The following FOXP1 variants were observed in gnomAD, a reference collection of about 807,000 sequenced individuals.
The protein encoded by FOXP1 is forkhead box protein P1.
FOXP1 carries 15 observed loss-of-function variants against 98.2 expected under a neutral mutation model. The observed-to-expected ratio is 0.15, with a 90% CI of 0.10 to 0.24. The LOEUF (loss-of-function observed/expected upper bound fraction) is 0.24. FOXP1 is among the 10% of genes least tolerant of loss of function. The pLI is 1.00. For missense variants in FOXP1, 633 were observed against 848.5 expected (o/e 0.75, Z 3.15); for synonymous variants, 371 against 314.5 (o/e 1.18, Z -1.90).
In FOXP1 at chr3:71,089,042, GCT is replaced by G. The variant is rs574595786; in HGVS notation, c.282+23492_282+23493del. Among the ~76,000 whole-genome samples the G allele has an allele frequency of 8.5e-5, 13 of 152,246 alleles. No homozygotes were observed. The East Asian group carries it at 2.5e-3, about 29-fold the overall frequency. On this transcript the variant is annotated intron_variant, in intron 7 of 20. Transcript: ENST00000649528. ...ACTTTATAAACAATTACACTGACTT[GCT>G]CTTACTCTGATTCTAAATAGGGCTA...
chr3:71,115,981 C>T (rs2058347897), intron 6 of FOXP1, among the ~76,000 whole-genome samples: 1 of 152,144 alleles, frequency 6.6e-6, no homozygotes. Context: ...AGTGATCTGC[C>T]CGCCTCAGCT....
chr3:71,393,098 A>G (rs145797749), intron 3 of FOXP1, among the ~76,000 whole-genome samples: 2 of 152,290 alleles, frequency 1.3e-5, no homozygotes, highest in Middle Eastern at 3.4e-3. Context: ...GGTATAAGCA[A>G]TATTTTCTTA....
intron 10 of FOXP1, among the ~76,000 whole-genome samples, chr3:71,045,533 T>C (rs1218428999): frequency 1.3e-5 from 2 of 151,854 alleles, no homozygotes; most frequent in African/African-American, 4.9e-5. Context: ...CAAAAATGCA[T>C]TAACTGATGT....
chr3:71,336,086 A>C (rs1577029649), intron 4 of FOXP1, among the ~76,000 whole-genome samples: 2 of 150,238 alleles, frequency 1.3e-5, no homozygotes, highest in African/African-American at 5.0e-5. Context: ...GCAGGGAGCA[A>C]AGAAGCTATG....
chr3:71,376,598 G>A (rs141393422), intron 3 of FOXP1, among the ~76,000 whole-genome samples: 17 of 152,302 alleles, frequency 1.1e-4, no homozygotes, highest in African/African-American at 2.2e-4. Flanking sequence ...TCAAAATAGC[G>A]TAAGAAGCCA....
chr3:71,290,012 T>C (rs1435755629), intron 5 of FOXP1: 1 of 152,242 alleles, frequency 6.6e-6, no homozygotes, highest in Non-Finnish European at 1.5e-5. Flanking sequence ...ATCACTTACA[T>C]GCTTATAAAT....
chr3:71,267,987 T>G (rs1483715199), intron 5 of FOXP1, among the ~76,000 whole-genome samples: 1 of 135,720 alleles, frequency 7.4e-6, no homozygotes, highest in Non-Finnish European at 1.5e-5. Flanking sequence ...CACTGTACCC[T>G]AGCCTGGGCG....
At chr3:71,529,044 T>C (rs188850595) in intron 2 of FOXP1, among the ~76,000 whole-genome samples, 12 of 152,310 alleles carry the variant, frequency 7.9e-5, no homozygotes, top group Non-Finnish European at 1.8e-4. Context: ...AGGCTCACCT[T>C]AGAATTCAAT....
In FOXP1 at chr3:71,433,455, T is replaced by C. The variant is rs75707284; in HGVS notation, c.-168+59971A>G. 7.0e-3 allele frequency among the ~76,000 whole-genome samples: 1,063 copies of C among 152,242 alleles called. 17 individuals are homozygous for C. Among genetic ancestry groups the C allele is most frequent in the African/African-American group, 0.025 (1,018 of 41,528 alleles). On this transcript the variant is annotated intron_variant, in intron 3 of 20. Transcript: ENST00000649528. ...GGAAACAACTTTACGGGTTCAACCATGAGAAATAAAAACATGCAAAGGCTT... is the reference window on the plus strand; with the variant it reads ...GGAAACAACTTTACGGGTTCAACCACGAGAAATAAAAACATGCAAAGGCTT...
In FOXP1 at chr3:71,053,440, T is replaced by C. The variant is rs2050181301; in HGVS notation, c.420+196A>G. ...CTCCAGGCCCAAACACTAGTCACCA[T>C]GGCAGGGCTCCTCTCTTTTGGGCAT... is the stretch of plus-strand genomic sequence containing the variant. On this transcript the variant is annotated intron_variant, in intron 8 of 20. Coordinates refer to ENST00000649528, the MANE Select transcript of FOXP1 (RefSeq NM_001349338.3). Among the ~76,000 whole-genome samples the C allele has an allele frequency of 3.3e-5, 5 of 152,276 alleles. No individual in the cohort carries two copies. The South Asian group carries it at 1.0e-3, about 32-fold the overall frequency.
At position 71,303,428 on chromosome 3, in the gene FOXP1, C is replaced by G. The variant is rs191082018; in HGVS notation, c.-72-3548G>C. On this transcript the variant is annotated intron_variant, in intron 4 of 20. Transcript: ENST00000649528. The stretch of plus-strand genomic sequence containing the variant: ...AGGAAACTGAGGAAGGAACATGGTT[C>G]AAACTTCCCATACCCCCAAATCCTC... Among the ~76,000 whole-genome samples, 487 of 152,228 alleles carry G rather than the reference C, an allele frequency of 3.2e-3. 2 individuals are homozygous for G. Among genetic ancestry groups the G allele is most frequent in the African/African-American group, 0.011 (456 of 41,530 alleles).
At chr3:71,289,079 C>G (rs1617010) in intron 5 of FOXP1, among the ~76,000 whole-genome samples, 141,394 of 151,954 alleles carry the variant, frequency 0.93, 65,851 homozygotes, top group African/African-American at 0.97. Flanking sequence ...CTGTAGCCCA[C>G]GCTGGAGTGC....
intron 11 of FOXP1, among the ~76,000 whole-genome samples, chr3:71,017,917 G>A (rs1378596817): frequency 6.6e-6 from 1 of 152,108 alleles, no homozygotes; most frequent in African/African-American, 2.4e-5. Context: ...TACATGCCGA[G>A]CACACTCTTA....
Position 71,414,214 on chromosome 3 carries a change from G to A in FOXP1, c.-167-54970C>T, listed in dbSNP as rs533660375. The stretch of plus-strand genomic sequence containing the variant: ...CAACCACCTCCCTGAGATTGTCTGC[G>A]GAACGTGATGGGGATTTCCTGTTTC... On this transcript the variant is annotated intron_variant, in intron 3 of 20. Transcript: ENST00000649528. Among the ~76,000 whole-genome samples, 4 of 152,250 alleles carry A rather than the reference G, an allele frequency of 2.6e-5. No homozygotes were observed. The East Asian group carries it at 5.8e-4, about 22-fold the overall frequency.
chr3:71,213,770 C>T (rs1184305413), intron 5 of FOXP1, among the ~76,000 whole-genome samples: 1 of 152,010 alleles, frequency 6.6e-6, no homozygotes, highest in South Asian at 2.1e-4. Flanking sequence ...CAGCCAAGAT[C>T]GTGCCACTGC....
At chr3:71,223,299 C>CATTATGCT (rs1425514113) in intron 5 of FOXP1, among the ~76,000 whole-genome samples, 1 of 140,786 alleles carries the variant, frequency 7.1e-6, no homozygotes, top group Non-Finnish European at 1.5e-5. Flanking sequence ...TTCATACCTA[C>CATTATGCT]ATTATGCTAT....
At chr3:71,403,430 T>C (rs565689960) in intron 3 of FOXP1, among the ~76,000 whole-genome samples, 4 of 152,342 alleles carry the variant, frequency 2.6e-5, no homozygotes, top group East Asian at 3.9e-4. Context: ...ACAAGGGAAC[T>C]GTTTCAAGAT....
At chr3:71,230,688 A>G (rs1463528107) in intron 5 of FOXP1, among the ~76,000 whole-genome samples, 1 of 152,224 alleles carries the variant, frequency 6.6e-6, no homozygotes, top group African/African-American at 2.4e-5. Context: ...CATAAACTCA[A>G]GAGTACAGGG....
At chr3:71,316,443 C>A (rs1411832629) in intron 4 of FOXP1, among the ~76,000 whole-genome samples, 1 of 152,068 alleles carries the variant, frequency 6.6e-6, no homozygotes, top group African/African-American at 2.4e-5. Flanking sequence ...CTTTCCAAGG[C>A]TAGATGCAAG....
Sources: allele counts gnomAD v4.1 joint callset (sites outside exome capture counted in the v4.1 genomes callset), GRCh38; gene constraint gnomAD v4.1.1; transcripts MANE v1.5; gene names NCBI Gene and HGNC (gene_info 2026-07-23, HGNC 2026-07-21).